The following RCN2 variants were observed in gnomAD, a reference collection of about 807,000 sequenced individuals.
RCN2 encodes reticulocalbin 2.
In RCN2, 23 loss-of-function variants were observed where a neutral mutation model predicts 37.5. The observed-to-expected ratio is 0.61, with a 90% CI of 0.44 to 0.87. The LOEUF (loss-of-function observed/expected upper bound fraction) is 0.87. Ranked by LOEUF, RCN2 falls within the 40% of genes least tolerant of loss-of-function variation. The pLI is 0.00. For missense variants in RCN2, 381 were observed against 390.4 expected, an observed-to-expected ratio of 0.98 and a Z score of 0.20; for synonymous variants, 140 against 144.6, an observed-to-expected ratio of 0.97 and a Z score of 0.23.
intron 1 of RCN2, among the ~76,000 whole-genome samples, 159 bp from the exon 2 acceptor site, chr15:76,932,202 A>T (rs1340086228): frequency 6.6e-6 from 1 of 152,072 alleles, no homozygotes; most frequent in Non-Finnish European, 1.5e-5. Flanking sequence ...TACCCCTCAG[A>T]TCATGGAGGG....
intron 3 of RCN2, among the ~76,000 whole-genome samples, chr15:76,939,275 T>TAAAA (rs1446630221): frequency 5.1e-5 from 7 of 136,766 alleles, no homozygotes; most frequent in Non-Finnish European, 4.8e-5. Context: ...AATAAATAAA[T>TAAAA]AAAAATTTCC....
At chr15:76,932,094 C>A in intron 1 of RCN2, 109 bp downstream of exon 1, 1 of 1,097,478 alleles carries the variant, frequency 9.1e-7, no homozygotes, top group South Asian at 3.0e-5. Flanking sequence ...CAGGGGCGGC[C>A]TGACAATGGG....
chr15:76,934,588 G>A (rs2075239113), intron 2 of RCN2, among the ~76,000 whole-genome samples: 1 of 152,180 alleles, frequency 6.6e-6, no homozygotes, highest in African/African-American at 2.4e-5. Context: ...TACTCCAGAT[G>A]TTTTAACAAC....
intron 3 of RCN2, among the ~76,000 whole-genome samples, chr15:76,939,278 A>G (rs1332632826): frequency 2.7e-5 from 4 of 146,868 alleles, no homozygotes; most frequent in African/African-American, 5.0e-5. Context: ...AAATAAATAA[A>G]AATTTCCTCT....
At chr15:76,933,130 CACAG>C (rs1403401860) in intron 2 of RCN2, among the ~76,000 whole-genome samples, 1 of 152,116 alleles carries the variant, frequency 6.6e-6, no homozygotes, top group African/African-American at 2.4e-5. Context: ...AAATGAAATG[CACAG>C]ACTATTAAAA....
intron 6 of RCN2, 152 bp from the exon 7 acceptor site, chr15:76,948,918 G>A: frequency 1.4e-6 from 1 of 714,894 alleles, no homozygotes; most frequent in Non-Finnish European, 2.3e-6. Flanking sequence ...GCAGTAGACG[G>A]ACCTGGTTAC....
At position 76,953,326 on chromosome 15, in the gene RCN2, A is replaced by G. The variant is rs569112860; in HGVS notation, c.*4104A>G. 6.6e-6 allele frequency: 1 copy of G among 151,966 alleles called. No homozygotes were observed. The highest frequency in any genetic ancestry group is 2.1e-4 in the South Asian group (1 of 4,814). 9.4% of individuals were successfully genotyped at this position (151,966 alleles called of 1,614,324 possible). A position where few individuals can be genotyped will look rare whatever the true frequency, so the allele number is the denominator to read the frequency against. ...AGCATAACGTCCCCAAAGTTCACCC[A>G]TATTGTTACCAGAATTTCTTTCGTC... is the stretch of plus-strand genomic sequence containing the variant. On this transcript the variant is annotated 3_prime_UTR_variant, in exon 7 of 7. Transcript: ENST00000394885.
chr15:76,940,625 T>C (rs2075273174), intron 3 of RCN2, among the ~76,000 whole-genome samples: 1 of 147,154 alleles, frequency 6.8e-6, no homozygotes, highest in African/African-American at 2.5e-5. Context: ...CTCGGCTCAC[T>C]GCAGTCTTAG....
Position 76,953,359 on chromosome 15 carries a change from A to G in RCN2, c.*4137A>G, listed in dbSNP as rs2075330109. On this transcript the variant is annotated 3_prime_UTR_variant, in exon 7 of 7. Coordinates refer to ENST00000394885, the MANE Select transcript of RCN2 (RefSeq NM_002902.3). ...ACCAGAATTTCTTTCGTCAGGCTGA[A>G]CAATACTTTATTGTTTGCATATACC... is the stretch of plus-strand genomic sequence containing the variant. 6.6e-6 allele frequency: 1 copy of G among 151,788 alleles called. No homozygotes were observed. Among genetic ancestry groups the G allele is most frequent in the African/African-American group, 2.4e-5 (1 of 41,322 alleles). 9.4% of individuals were successfully genotyped at this position (151,788 alleles called of 1,614,324 possible).
Position 76,936,835 on chromosome 15 carries a change from A to G in RCN2, c.447+1113A>G, listed in dbSNP as rs947837382. On this transcript the variant is annotated intron_variant, in intron 3 of 6. Transcript: ENST00000394885. ...CCATTGTAACCATTTTAAAGTGTAC[A>G]GTTGAGTAATATTAAGTACATTCAT... 3.3e-5 allele frequency among the ~76,000 whole-genome samples: 5 copies of G among 152,326 alleles called. No individual in the cohort carries two copies. In the South Asian group the frequency reaches 1.0e-3, roughly 32 times the overall value.
At chr15:76,940,696 G>A (rs763641928) in intron 3 of RCN2, among the ~76,000 whole-genome samples, 12 of 151,602 alleles carry the variant, frequency 7.9e-5, no homozygotes, top group Admixed American at 1.3e-4. Context: ...CTATAGGCAC[G>A]TGCCACCATA....
chr15:76,948,123 C>T (rs2075303829), intron 5 of RCN2: 1 of 237,512 alleles, frequency 4.2e-6, no homozygotes, highest in Non-Finnish European at 8.1e-6. Flanking sequence ...CATTACCCAC[C>T]TCACATCTGG....
chr15:76,943,982 G>A, intron 4 of RCN2, 111 bp downstream of exon 4: 1 of 236,436 alleles, frequency 4.2e-6, no homozygotes, highest in Non-Finnish European at 8.0e-6. Flanking sequence ...GGATACATGA[G>A]ACTTTTTTTT....
chr15:76,936,883 C>T (rs763355535), intron 3 of RCN2, among the ~76,000 whole-genome samples: 7 of 152,120 alleles, frequency 4.6e-5, no homozygotes, highest in Admixed American at 6.5e-5. Flanking sequence ...CCAATCTCCC[C>T]GACTCTTTTC....
At chr15:76,933,637 G>T (rs917105642) in intron 2 of RCN2, among the ~76,000 whole-genome samples, 2 of 152,226 alleles carry the variant, frequency 1.3e-5, no homozygotes, top group Non-Finnish European at 2.9e-5. Flanking sequence ...TCATTATACA[G>T]ATGAGAAGAA....
At chr15:76,941,757 T>A in intron 3 of RCN2, 2 of 790,296 alleles carry the variant, frequency 2.5e-6, no homozygotes, top group African/African-American at 1.8e-5. Flanking sequence ...GCTACCCCCT[T>A]CACTTTTTTT....
In RCN2 at chr15:76,935,667, T is replaced by G; in HGVS notation, c.392T>G (p.Ile131Ser). The change falls in exon 3 of 7, where the codon ATT becomes AGT. Residue 131 changes from isoleucine (I) to serine (S), a missense_variant. Transcript: ENST00000394885. ...AACATTCAGATGTATGATCGTGTGA[T>G]TGACTTTGATGAGAACACTGCTCTG... Reference protein sequence around the residue: ...EYNIQMYDRVIDFDENTALDD... With the variant: ...EYNIQMYDRVSDFDENTALDD... 6.2e-7 allele frequency: 1 copy of G among 1,614,100 alleles called. No homozygotes were observed. The highest frequency in any genetic ancestry group is 8.5e-7 in the Non-Finnish European group (1 of 1,179,956).
intron 5 of RCN2, chr15:76,947,747 C>A: frequency 2.4e-6 from 1 of 423,594 alleles, no homozygotes. Flanking sequence ...ATTTTTCTTT[C>A]TTTTCAAACA....
At chr15:76,943,947 T>A in intron 4 of RCN2, 76 bp downstream of exon 4, 1 of 678,448 alleles carries the variant, frequency 1.5e-6, no homozygotes, top group Non-Finnish European at 2.5e-6. Flanking sequence ...TTTTTGTGGG[T>A]ACATAGTAGG....
Sources: gnomAD v4.1 joint callset for allele counts (sites outside exome capture counted in the v4.1 genomes callset) on GRCh38, gnomAD v4.1.1 for gene constraint, MANE v1.5 for transcripts, NCBI Gene and HGNC (gene_info 2026-07-23, HGNC 2026-07-21) for gene names.